MYH3: variants seen among roughly 807,000 people sequenced by gnomAD.
MYH3 encodes the protein myosin heavy chain 3, also known as myosin-3.
Under a neutral mutation model 238.0 loss-of-function variants are expected in MYH3, and 130 were observed. The ratio of observed to expected loss-of-function variants is 0.55; its 90% CI spans 0.47 to 0.63. The LOEUF (loss-of-function observed/expected upper bound fraction) is 0.63. MYH3 is among the 30% of genes least tolerant of loss of function. MYH3 has a pLI of 0.00. For synonymous variants in MYH3, 880 were observed against 924.1 expected (o/e 0.95, Z 0.86); for missense variants, 1,853 against 2,374.9 (o/e 0.78, Z 4.57).
chr17:10,653,916 A>C (rs1168072168), intron 3 of MYH3, among the ~76,000 whole-genome samples: 1 of 152,116 alleles, frequency 6.6e-6, no homozygotes, highest in African/African-American at 2.4e-5. Flanking sequence ...ATACACAGAG[A>C]GCCACCTTTT....
chr17:10,648,630 A>G lies in MYH3; in HGVS notation c.662T>C (p.Ile221Thr), dbSNP rs1425961803. The part of the protein sequence containing the change: ...SKMKGTLEDQ[I>T]ISANPLLEAF... Reference sequence around the variant, plus strand: ...CTCCAGCAGGGGATTGGCACTGATGATTTGATCTTCCAGAGTCCCCTAATG... The same window carrying G: ...CTCCAGCAGGGGATTGGCACTGATGGTTTGATCTTCCAGAGTCCCCTAATG... Residue 221 changes from isoleucine to threonine, a missense_variant, in exon 8 of 41, where the codon ATC becomes ACC. Coordinates refer to ENST00000583535, the MANE Select transcript of MYH3 (RefSeq NM_002470.4). 1 of 1,613,892 alleles carries G rather than the reference A, an allele frequency of 6.2e-7. No individual in the cohort carries two copies. The highest frequency in any genetic ancestry group is 8.5e-7 in the Non-Finnish European group (1 of 1,179,838).
chr17:10,667,710 G>A, the MYH3 span, among the ~76,000 whole-genome samples: 1 of 150,826 alleles, frequency 6.6e-6, no homozygotes, highest in South Asian at 2.1e-4. Flanking sequence ...AATTAGAAAG[G>A]TCTCTATGAG....
Position 10,647,359 on chromosome 17 carries a change from T to C in MYH3, c.799+4A>G, listed in dbSNP as rs1362168061. 6.2e-7 allele frequency: 1 copy of C among 1,614,206 alleles called. No individual in the cohort carries two copies. ...CGCCATCGAATCCCCATGGATCTAC[T>C]TACAAGTTTCAATATCTGCAGAGGC... On this transcript the variant is annotated splice_donor_region_variant and intron_variant, in intron 9 of 40. Transcript: ENST00000583535.
chr17:10,664,062 TAAAAAAAAAAAA>T, the MYH3 span, among the ~76,000 whole-genome samples: 1 of 63,342 alleles, frequency 1.6e-5, no homozygotes, highest in Non-Finnish European at 3.3e-5. Context: ...GACTCCGTCT[TAAAAAAAAAAAA>T]AAAAAAAAAA....
intron 8 of MYH3, among the ~76,000 whole-genome samples, chr17:10,647,918 TCCTTTTATTTATC>T (rs1034170455): frequency 4.6e-4 from 70 of 152,322 alleles, no homozygotes; most frequent in African/African-American, 1.6e-3. Context: ...TTTCCTTATT[TCCTTTTATTTATC>T]CCTTTTATTC....
intron 8 of MYH3, among the ~76,000 whole-genome samples, chr17:10,647,658 C>A (rs1340068429): frequency 1.3e-5 from 2 of 152,222 alleles, no homozygotes; most frequent in African/African-American, 4.8e-5. Flanking sequence ...GATTCTCCTG[C>A]CTCAGCCTCC....
chr17:10,661,135 C>G (rs1410136068), upstream of MYH3, among the ~76,000 whole-genome samples: 1 of 151,502 alleles, frequency 6.6e-6, no homozygotes, highest in Non-Finnish European at 1.5e-5. Flanking sequence ...TGCCACCATG[C>G]CTGGCTAATT....
chr17:10,639,447 C>A lies in MYH3; in HGVS notation c.2953G>T (p.Gly985Trp), dbSNP rs773813060. 1 of 1,614,094 alleles carries A rather than the reference C, an allele frequency of 6.2e-7. No individual in the cohort carries two copies. The highest frequency in any genetic ancestry group is 1.1e-5 in the South Asian group (1 of 91,062). ...KVKNLTEELS[G>W]LDETIAKLTR... ...AACTTTGCAATTGTTTCATCTAACC[C>A]AGAGAGTTCCTCAGTAAGGTTTTTA... is the stretch of plus-strand genomic sequence containing the variant. Residue 985 changes from glycine (G) to tryptophan (W), a missense_variant, in exon 24 of 41, where the codon GGG (glycine) becomes TGG (tryptophan). Gly to Trp is a radical substitution (Grantham distance 184). This residue lies in a region of MYH3 where 1,044 missense variants were observed against 1,192.6 expected (regional missense o/e 0.88). Coordinates refer to ENST00000583535, the MANE Select transcript of MYH3 (RefSeq NM_002470.4).
chr17:10,672,498 GGTAT>G, the MYH3 span: 1 of 151,962 alleles, frequency 6.6e-6, no homozygotes, highest in Non-Finnish European at 1.5e-5. Flanking sequence ...GGTTTATTGA[GGTAT>G]GTATATTACA....
intron 7 of MYH3, among the ~76,000 whole-genome samples, chr17:10,649,094 A>G (rs1035419953): frequency 5.9e-5 from 9 of 152,306 alleles, no homozygotes; most frequent in Admixed American, 3.3e-4. Flanking sequence ...GACCAACCAA[A>G]TCAGCAGCAT....
At chr17:10,637,660 T>C (rs2074227797) in intron 28 of MYH3, 149 bp downstream of exon 28, 2 of 1,126,104 alleles carry the variant, frequency 1.8e-6, no homozygotes, top group African/African-American at 3.1e-5. Flanking sequence ...CAAATGGCTC[T>C]TTCTATGAGT....
chr17:10,657,765 C>G (rs1313274174), upstream of MYH3, among the ~76,000 whole-genome samples: 3 of 152,122 alleles, frequency 2.0e-5, no homozygotes, highest in Non-Finnish European at 4.4e-5. Flanking sequence ...GAATTTTGAG[C>G]AAGATTTTAT....
chr17:10,648,297 C>T (rs1238655745), intron 8 of MYH3, among the ~76,000 whole-genome samples: 2 of 152,178 alleles, frequency 1.3e-5, no homozygotes, highest in Non-Finnish European at 2.9e-5. Flanking sequence ...TCTCATACTG[C>T]GGCTCTCAGC....
In MYH3 at chr17:10,642,421, C is replaced by T. The variant is rs200956871; in HGVS notation, c.1884G>A (p.Ala628=). The T allele has an allele frequency of 1.2e-5, 20 of 1,614,120 alleles. No homozygotes were observed. Among genetic ancestry groups the T allele is most frequent in the Middle Eastern group, 1.6e-4 (1 of 6,062 alleles). Residue 628 remains alanine, a synonymous_variant, in exon 16 of 41, where the codon GCG becomes GCA. Transcript: ENST00000583535. The surrounding 1 kb of genome is among the most constrained non-coding windows in gnomAD (Gnocchi z 5.4). ...GACACAAAGCACTCCTCTTACCATC[C>T]GCCGTGGCAAACGTGGCATAGAGGT... The part of the protein sequence containing the change: ...LAHLYATFAT[A]DADSGKKKVA...
chr17:10,641,418 T>A (rs2074270295), intron 17 of MYH3, 46 bp from the exon 18 acceptor site: 1 of 1,356,580 alleles, frequency 7.4e-7, no homozygotes, highest in Admixed American at 1.7e-5. Context: ...TGTAGGTTTT[T>A]ATGAAGACAG....
rs988296517 is a variant in MYH3, at chr17:10,634,018, C to T, written c.4521G>A (p.Glu1507=). 2.5e-6 allele frequency: 4 copies of T among 1,613,726 alleles called. No homozygotes were observed. The highest frequency in any genetic ancestry group is 2.7e-5 in the African/African-American group (2 of 74,910). The change falls in exon 32 of 41, where the codon GAG becomes GAA. Residue 1507 remains glutamate, a splice_region_variant and synonymous_variant. Coordinates refer to ENST00000583535, the MANE Select transcript of MYH3 (RefSeq NM_002470.4). ...ETVKRENKNL[E]QEIADLTEQI... Reference sequence around the variant, plus strand: ...TTCAGAGGGTTTCGAATAGCTTACGCTCTAAGTTCTTATTTTCCCGTTTCA... The same window carrying T: ...TTCAGAGGGTTTCGAATAGCTTACGTTCTAAGTTCTTATTTTCCCGTTTCA...
chr17:10,667,063 C>T, the MYH3 span, among the ~76,000 whole-genome samples: 4 of 152,138 alleles, frequency 2.6e-5, no homozygotes, highest in Non-Finnish European at 5.9e-5. Context: ...AAATGCTGGG[C>T]AAGACATTCT....
At chr17:10,673,048 G>C in the MYH3 span, 1 of 150,484 alleles carries the variant, frequency 6.6e-6, no homozygotes, top group Non-Finnish European at 1.5e-5. Context: ...CCTGTTGCCA[G>C]GCTGGAGTGC....
the MYH3 span, among the ~76,000 whole-genome samples, chr17:10,670,811 A>G: frequency 1.3e-5 from 2 of 152,190 alleles, no homozygotes. The surrounding 1 kb of genome is among the most constrained non-coding windows in gnomAD (Gnocchi z 7.0). Context: ...ATCATTAAAT[A>G]TTAATCAATA....
Sources: allele counts gnomAD v4.1 joint callset (sites outside exome capture counted in the v4.1 genomes callset), GRCh38; gene constraint gnomAD v4.1.1; regional missense constraint gnomAD v4.1.1; non-coding constraint Gnocchi (gnomAD v3.1); transcripts MANE v1.5; gene names NCBI Gene and HGNC (gene_info 2026-07-23, HGNC 2026-07-21).